HIVEP2: variants seen among roughly 807,000 people sequenced by gnomAD.
The protein encoded by HIVEP2 is transcription factor HIVEP2.
In HIVEP2, 14 loss-of-function variants were observed where a neutral mutation model predicts 180.7. The ratio of observed to expected loss-of-function variants is 0.08; its 90% CI spans 0.05 to 0.12. HIVEP2 has a LOEUF of 0.12. Ranked by LOEUF, HIVEP2 falls within the 10% of genes least tolerant of loss-of-function variation. The probability of loss-of-function intolerance (pLI) is 1.00; values close to 1 mark genes in which losing one functional copy is unlikely to be tolerated. For synonymous variants in HIVEP2, 1,184 were observed against 1,136.4 expected (o/e 1.04, Z -0.84); for missense variants, 2,579 against 3,008.5 (o/e 0.86, Z 3.34).
chr6:142,922,561 A>G (rs541818013), intron 1 of HIVEP2, among the ~76,000 whole-genome samples: 3 of 152,152 alleles, frequency 2.0e-5, no homozygotes, highest in Non-Finnish European at 4.4e-5. Context: ...TAAGCCTCAT[A>G]AGGTCTGTTT....
intron 2 of HIVEP2, among the ~76,000 whole-genome samples, chr6:142,823,064 CACA>C (rs1170531744): frequency 6.6e-6 from 1 of 152,172 alleles, no homozygotes; most frequent in Non-Finnish European, 1.5e-5. Context: ...GACAGCCAGT[CACA>C]ACACCATCTG....
At chr6:142,925,810 T>TACTAGA (rs1236194942) in intron 1 of HIVEP2, among the ~76,000 whole-genome samples, 1 of 152,236 alleles carries the variant, frequency 6.6e-6, no homozygotes, top group East Asian at 1.9e-4. Context: ...TTTTGAGGTT[T>TACTAGA]ACTAGAAACT....
intron 1 of HIVEP2, among the ~76,000 whole-genome samples, chr6:142,941,784 G>A (rs1778185427): frequency 6.6e-6 from 1 of 152,088 alleles, no homozygotes; most frequent in Admixed American, 6.5e-5. Flanking sequence ...CCAAAAATAT[G>A]AATTCATGAT....
chr6:142,754,271 A>C (rs1245854019), intron 9 of HIVEP2, among the ~76,000 whole-genome samples: 2 of 114,458 alleles, frequency 1.7e-5, no homozygotes, highest in African/African-American at 3.2e-5. Context: ...GATAATTGGC[A>C]AAAAAAAAAA....
chr6:142,844,858 ACAAAAACAATAAACACATATGAATGGTTG>A (rs1383871930), intron 1 of HIVEP2, among the ~76,000 whole-genome samples: 2 of 152,236 alleles, frequency 1.3e-5, no homozygotes, highest in Non-Finnish European at 2.9e-5. Flanking sequence ...ATGAATGGTT[ACAAAAACAATAAACACATATGAATGGTTG>A]CAAAAACAAT....
At position 142,772,433 on chromosome 6, in the gene HIVEP2, C is replaced by T; in HGVS notation, c.2306G>A (p.Ser769Asn). ...TGACTCCTCTGACACAAGAGATGGA[C>T]TTCCAGGCTGCAGTTGGGGCCGACA... ...DPCRPQLQPG[S>N]PSLVSEESPS... is the part of the protein sequence containing the mutation. Residue 769 changes from serine to asparagine, a missense_variant, in exon 5 of 10, where the codon AGT (serine) becomes AAT (asparagine). By Grantham distance (46) the Ser-to-Asn change is conservative. Around this residue, in one of 11 missense-constraint regions of HIVEP2, gnomAD observed 524 missense variants for 563.6 expected, o/e 0.93. Transcript: ENST00000367603. The surrounding 1 kb of genome is among the most constrained non-coding windows in gnomAD (Gnocchi z 4.9). The T allele has an allele frequency of 1.9e-6, 3 of 1,614,222 alleles. No individual in the cohort carries two copies. Among genetic ancestry groups the T allele is most frequent in the Non-Finnish European group, 2.5e-6 (3 of 1,180,050 alleles).
intron 1 of HIVEP2, among the ~76,000 whole-genome samples, chr6:142,903,774 A>G (rs1777192094): frequency 6.6e-6 from 1 of 152,010 alleles, no homozygotes; most frequent in Non-Finnish European, 1.5e-5. Flanking sequence ...ATCAACAAGG[A>G]TGTCTTCTTA....
intron 1 of HIVEP2, among the ~76,000 whole-genome samples, chr6:142,849,929 G>A (rs964315586): frequency 1.3e-5 from 2 of 152,196 alleles, no homozygotes; most frequent in Non-Finnish European, 2.9e-5. Flanking sequence ...TGAGAACAGA[G>A]ACAGGCCTAC....
At chr6:142,871,071 A>G (rs1221474133) in intron 1 of HIVEP2, among the ~76,000 whole-genome samples, 2 of 152,220 alleles carry the variant, frequency 1.3e-5, no homozygotes, top group Non-Finnish European at 2.9e-5. Context: ...TGGTTCTACC[A>G]GTGATTTTCT....
chr6:142,854,602 C>A (rs1335322435), intron 1 of HIVEP2, among the ~76,000 whole-genome samples: 2 of 152,098 alleles, frequency 1.3e-5, no homozygotes, highest in Non-Finnish European at 2.9e-5. Context: ...ATCAAGACAG[C>A]CGAACTTTAG....
intron 1 of HIVEP2, among the ~76,000 whole-genome samples, chr6:142,937,276 C>A (rs1778080447): frequency 6.6e-6 from 1 of 152,092 alleles, no homozygotes; most frequent in South Asian, 2.1e-4. Context: ...TTTAATGGAC[C>A]ATTTGAAAAT....
chr6:142,923,461 A>G (rs1300373906), intron 1 of HIVEP2, among the ~76,000 whole-genome samples: 1 of 152,230 alleles, frequency 6.6e-6, no homozygotes, highest in Non-Finnish European at 1.5e-5. Context: ...TGTTAGCTAC[A>G]GTCTCCTATG....
chr6:142,772,917 C>A lies in HIVEP2; in HGVS notation c.1822G>T (p.Val608Phe). Residue 608 changes from valine to phenylalanine, a missense_variant, in exon 5 of 10, where the codon GTC becomes TTC. Val to Phe is a conservative substitution (Grantham distance 50). Coordinates refer to ENST00000367603, the MANE Select transcript of HIVEP2 (RefSeq NM_006734.4). The surrounding 1 kb of genome is among the most constrained non-coding windows in gnomAD (Gnocchi z 4.9). ...TTCAACATCCTGCCATGGTGCTCGA[C>A]TTCCACGTGGCCCTCCTGTACCGAA... ...LPSVQEGHVEVEHHGRMLKGI... is the reference protein window; with the variant it reads ...LPSVQEGHVEFEHHGRMLKGI... 1 of 1,614,228 alleles carries A rather than the reference C, an allele frequency of 6.2e-7. No homozygotes were observed. The highest frequency in any genetic ancestry group is 8.5e-7 in the Non-Finnish European group (1 of 1,180,044).
chr6:142,920,391 C>A (rs1405491033), intron 1 of HIVEP2, among the ~76,000 whole-genome samples: 1 of 152,108 alleles, frequency 6.6e-6, no homozygotes, highest in African/African-American at 2.4e-5. Context: ...TGAGCCCTAC[C>A]CATGGTGTCC....
At position 142,828,200 on chromosome 6, in the gene HIVEP2, G is replaced by A. The variant is rs78710681; in HGVS notation, c.-528+8735C>T. 2.4e-3 allele frequency among the ~76,000 whole-genome samples: 360 copies of A among 152,266 alleles called. 6 individuals are homozygous for A. In the East Asian group the frequency reaches 0.043, roughly 18 times the overall value. ...ATAAGTAAGAGCTACTCTTGTCAGC[G>A]AGCTCCTCCTCCCTTAGCTTCCTTG... On this transcript the variant is annotated intron_variant, in intron 2 of 9. Coordinates refer to ENST00000367603, the MANE Select transcript of HIVEP2 (RefSeq NM_006734.4).
At chr6:142,929,872 C>T (rs903687910) in intron 1 of HIVEP2, among the ~76,000 whole-genome samples, 1 of 152,160 alleles carries the variant, frequency 6.6e-6, no homozygotes, top group Non-Finnish European at 1.5e-5. Flanking sequence ...TTTTCATAGA[C>T]TTTGAAAAGT....
intron 2 of HIVEP2, among the ~76,000 whole-genome samples, chr6:142,792,254 A>G (rs1375455444): frequency 6.6e-6 from 1 of 152,226 alleles, no homozygotes; most frequent in African/African-American, 2.4e-5. Context: ...CTGCAAATGT[A>G]TAGCCTGAAA....
chr6:142,823,297 A>G (rs1777090714), intron 2 of HIVEP2, among the ~76,000 whole-genome samples: 1 of 152,144 alleles, frequency 6.6e-6, no homozygotes, highest in Non-Finnish European at 1.5e-5. Context: ...TGAAAAATCC[A>G]CAGCACCTTT....
In HIVEP2 at chr6:142,806,867, T is replaced by C. The variant is rs1193872497; in HGVS notation, c.-527-23252A>G. Among the ~76,000 whole-genome samples the C allele has an allele frequency of 3.9e-5, 6 of 152,288 alleles. No individual in the cohort carries two copies. In the East Asian group the frequency reaches 1.2e-3, roughly 29 times the overall value. Reference sequence around the variant, plus strand: ...TTTTATAGATGAGGCTTCTAGTGGTTAAGTAACTGTCCAGGATCCACGGTC... The same window carrying C: ...TTTTATAGATGAGGCTTCTAGTGGTCAAGTAACTGTCCAGGATCCACGGTC... On this transcript the variant is annotated intron_variant, in intron 2 of 9. Coordinates refer to ENST00000367603, the MANE Select transcript of HIVEP2 (RefSeq NM_006734.4).
Sources: allele counts gnomAD v4.1 joint callset (sites outside exome capture counted in the v4.1 genomes callset), GRCh38; gene constraint gnomAD v4.1.1; regional missense constraint gnomAD v4.1.1; non-coding constraint Gnocchi (gnomAD v3.1); transcripts MANE v1.5; gene names NCBI Gene and HGNC (gene_info 2026-07-23, HGNC 2026-07-21).